MYNN: variants seen among roughly 807,000 people sequenced by gnomAD.
MYNN encodes myoneurin.
A neutral mutation model predicts 57.2 loss-of-function variants in MYNN; 22 were observed. The observed-to-expected ratio is 0.38, with a 90% CI of 0.27 to 0.55. The LOEUF is 0.55. Ranked by LOEUF, MYNN falls within the 20% of genes least tolerant of loss-of-function variation. MYNN has a pLI of 0.71. For synonymous variants in MYNN, 241 were observed against 257.1 expected (o/e 0.94, Z 0.60); for missense variants, 566 against 723.1 (o/e 0.78, Z 2.49).
chr3:169,778,675 A>C (rs1417952170), intron 2 of MYNN, 93 bp from the exon 3 acceptor site: 1 of 893,534 alleles, frequency 1.1e-6, no homozygotes, highest in Non-Finnish European at 1.7e-6. Flanking sequence ...CTGCTTCATT[A>C]GGTCTTTAAA....
At chr3:169,776,515 G>C (rs1285945099) in intron 2 of MYNN, among the ~76,000 whole-genome samples, 1 of 152,022 alleles carries the variant, frequency 6.6e-6, no homozygotes, top group Non-Finnish European at 1.5e-5. Context: ...AAGCATTTAG[G>C]CATGTACCTG....
At chr3:169,780,294 G>A (rs1444676182) in intron 3 of MYNN, 6 of 191,170 alleles carry the variant, frequency 3.1e-5, no homozygotes, top group South Asian at 1.5e-4. Flanking sequence ...TCCTGAACTC[G>A]TGATCCGCCC....
intron 2 of MYNN, chr3:169,777,394 C>A (rs536765699): frequency 3.3e-5 from 5 of 152,052 alleles, no homozygotes; most frequent in African/African-American, 1.2e-4. Flanking sequence ...CTTATACTTA[C>A]AACAGAGAGG....
chr3:169,784,784 TG>T, intron 7 of MYNN, 76 bp downstream of exon 7: 1 of 914,960 alleles, frequency 1.1e-6, no homozygotes, highest in Non-Finnish European at 1.7e-6. Context: ...CTTAAAATGC[TG>T]AGATGAGATT....
intron 4 of MYNN, 29 bp downstream of exon 4, chr3:169,780,778 T>C (rs760709880): frequency 6.4e-7 from 1 of 1,557,442 alleles, no homozygotes; most frequent in South Asian, 1.2e-5. Flanking sequence ...TGTTTGATCT[T>C]TTAGTCTTTT....
In MYNN at chr3:169,787,530, A is replaced by G. The variant is rs1412739411; in HGVS notation, c.*852A>G. On this transcript the variant is annotated 3_prime_UTR_variant, in exon 8 of 8. Coordinates refer to ENST00000349841, the MANE Select transcript of MYNN (RefSeq NM_018657.5). ...TTACTCCTGTTATGCACTTTTTAAAATAAATACTGAATTCCAGAAAGAATT... is the reference window on the plus strand; with the variant it reads ...TTACTCCTGTTATGCACTTTTTAAAGTAAATACTGAATTCCAGAAAGAATT... 6.6e-6 allele frequency: 1 copy of G among 152,120 alleles called. No homozygotes were observed. Among genetic ancestry groups the G allele is most frequent in the Non-Finnish European group, 1.5e-5 (1 of 67,956 alleles). 9.4% of individuals were successfully genotyped at this position (152,120 alleles called of 1,614,324 possible). A position where few individuals can be genotyped will look rare whatever the true frequency, so the allele number is the denominator to read the frequency against.
At chr3:169,779,898 A>G (rs929506356) in intron 3 of MYNN, 12 of 282,014 alleles carry the variant, frequency 4.3e-5, no homozygotes, top group African/African-American at 1.3e-4. Context: ...GATATTGCCA[A>G]CACTTCTCAT....
chr3:169,780,667 C>T lies in MYNN; in HGVS notation c.1138C>T (p.His380Tyr). Residue 380 changes from histidine (H) to tyrosine (Y), a missense_variant, in exon 4 of 8, where the codon CAT becomes TAT. This residue lies in a region of MYNN where 123 missense variants were observed against 222.6 expected (regional missense o/e 0.55). Transcript: ENST00000349841. ...TCAGCTAGTCTTCCATAGTCGCATG[C>T]ATCATGGTGAAGAAAAACCCTATAA... is the stretch of plus-strand genomic sequence containing the variant. ...KCQLVFHSRM[H>Y]HGEEKPYKCD... is the part of the protein sequence containing the mutation. The T allele has an allele frequency of 6.2e-7, 1 of 1,612,786 alleles. No homozygotes were observed. Among genetic ancestry groups the T allele is most frequent in the Non-Finnish European group, 8.5e-7 (1 of 1,179,342 alleles).
At chr3:169,784,792 G>C in intron 7 of MYNN, 84 bp downstream of exon 7, 1 of 854,280 alleles carries the variant, frequency 1.2e-6, no homozygotes, top group Non-Finnish European at 1.8e-6. Flanking sequence ...GCTGAGATGA[G>C]ATTTACATTT....
chr3:169,774,790 A>G (rs1214606802), intron 2 of MYNN, among the ~76,000 whole-genome samples: 2 of 152,200 alleles, frequency 1.3e-5, no homozygotes, highest in Non-Finnish European at 2.9e-5. Context: ...TTATTTACTG[A>G]AACAAAGCCT....
In MYNN at chr3:169,780,579, T is replaced by C; in HGVS notation, c.1061-11T>C. On this transcript the variant is annotated splice_polypyrimidine_tract_variant and intron_variant, in intron 3 of 7. Coordinates refer to ENST00000349841, the MANE Select transcript of MYNN (RefSeq NM_018657.5). ...ATTTTCTTCTAAATATAAATTTTATTGTTCCTTTAGGTGAGAAGCCATACA... is the reference window on the plus strand; with the variant it reads ...ATTTTCTTCTAAATATAAATTTTATCGTTCCTTTAGGTGAGAAGCCATACA... 5 of 1,571,420 alleles carry C rather than the reference T, an allele frequency of 3.2e-6. No individual in the cohort carries two copies. Among genetic ancestry groups the C allele is most frequent in the Non-Finnish European group, 4.3e-6 (5 of 1,163,362 alleles).
intron 3 of MYNN, chr3:169,779,767 C>T (rs1392150889): frequency 3.8e-6 from 2 of 533,274 alleles, no homozygotes; most frequent in African/African-American, 4.2e-5. Context: ...AATGCATCAA[C>T]TCCTTATACC....
At position 169,787,441 on chromosome 3, in the gene MYNN, C is replaced by T. The variant is rs1302658190; in HGVS notation, c.*763C>T. On this transcript the variant is annotated 3_prime_UTR_variant, in exon 8 of 8. Transcript: ENST00000349841. ...ATTTGATTCAGTTTATGTTTTATTC[C>T]GTTCTAAAATATTGGAGATGAGGAA... 5.9e-5 allele frequency: 9 copies of T among 151,832 alleles called. No individual in the cohort carries two copies. Among genetic ancestry groups the T allele is most frequent in the Admixed American group, 5.3e-4 (8 of 15,224 alleles). 9.4% of individuals were successfully genotyped at this position (151,832 alleles called of 1,614,324 possible). A position where few individuals can be genotyped will look rare whatever the true frequency, so the allele number is the denominator to read the frequency against.
intron 2 of MYNN, chr3:169,777,649 A>C (rs1778388053): frequency 6.6e-6 from 1 of 152,236 alleles, no homozygotes; most frequent in South Asian, 2.1e-4. Context: ...GTGCTAGATT[A>C]ATCAAACAAC....
intron 2 of MYNN, among the ~76,000 whole-genome samples, chr3:169,775,207 T>C (rs1778298168): frequency 1.3e-5 from 2 of 152,224 alleles, no homozygotes; most frequent in African/African-American, 4.8e-5. Context: ...AGAATGATTC[T>C]CTAAGATGCT....
At chr3:169,775,564 T>TA (rs1333013504) in intron 2 of MYNN, among the ~76,000 whole-genome samples, 1 of 152,172 alleles carries the variant, frequency 6.6e-6, no homozygotes, top group Non-Finnish European at 1.5e-5. Flanking sequence ...AATGAGATGG[T>TA]AATAACTACC....
At position 169,774,453 on chromosome 3, in the gene MYNN, A is replaced by G; in HGVS notation, c.158A>G (p.Tyr53Cys). 2 of 1,614,124 alleles carry G rather than the reference A, an allele frequency of 1.2e-6. No homozygotes were observed. Among genetic ancestry groups the G allele is most frequent in the African/African-American group, 1.3e-5 (1 of 75,046 alleles). The change falls in exon 2 of 8, where the codon TAC (tyrosine) becomes TGC (cysteine). Residue 53 changes from tyrosine to cysteine, a missense_variant. Coordinates refer to ENST00000349841, the MANE Select transcript of MYNN (RefSeq NM_018657.5). ...TTTAGTGAGTATTTTGGTGCGATCT[A>G]CAGAAGCACTTCTGAGAACAATGTC... ...ASFSEYFGAI[Y>C]RSTSENNVFL... is the part of the protein sequence containing the mutation.
intron 2 of MYNN, 176 bp from the exon 3 acceptor site, chr3:169,778,592 A>AT (rs978348512): frequency 2.3e-5 from 12 of 514,138 alleles, no homozygotes; most frequent in African/African-American, 1.7e-4. Context: ...AAAATTGGAG[A>AT]TTTTTTACCT....
chr3:169,783,436 G>T (rs777873019), intron 5 of MYNN, 41 bp from the exon 6 acceptor site: 9 of 1,063,762 alleles, frequency 8.5e-6, no homozygotes, highest in Admixed American at 3.8e-5. Flanking sequence ...ATATTATATT[G>T]GTATAGTACA....
Sources: gnomAD v4.1 joint callset for allele counts (sites outside exome capture counted in the v4.1 genomes callset) on GRCh38, gnomAD v4.1.1 for gene constraint, gnomAD v4.1.1 regional missense constraint, MANE v1.5 for transcripts, NCBI Gene and HGNC (gene_info 2026-07-23, HGNC 2026-07-21) for gene names.